ARMC1: variants seen among roughly 807,000 people sequenced by gnomAD.
The protein encoded by ARMC1 is armadillo repeat-containing protein 1.
ARMC1 carries 16 observed loss-of-function variants against 31.4 expected under a neutral mutation model. The ratio of observed to expected loss-of-function variants is 0.51; its 90% CI spans 0.34 to 0.77. ARMC1 has a LOEUF of 0.77. Ranked by LOEUF, ARMC1 falls within the 30% of genes least tolerant of loss-of-function variation. ARMC1 has a pLI of 0.01. For synonymous variants in ARMC1, 114 were observed against 118.9 expected (o/e 0.96, Z 0.27); for missense variants, 259 against 347.5 (o/e 0.75, Z 2.02).
At chr8:65,623,881 T>G (rs1808455440) in intron 2 of ARMC1, among the ~76,000 whole-genome samples, 1 of 120,894 alleles carries the variant, frequency 8.3e-6, no homozygotes, top group Non-Finnish European at 1.6e-5. Context: ...TACTGCAACC[T>G]CCACCCCCCG....
intron 3 of ARMC1, among the ~76,000 whole-genome samples, chr8:65,615,867 C>T (rs1808239611): frequency 6.6e-6 from 1 of 151,524 alleles, no homozygotes; most frequent in Non-Finnish European, 1.5e-5. Context: ...TGCACTCCAG[C>T]GTGGGCAACA....
In ARMC1 at chr8:65,613,410, T is replaced by C. The variant is rs1808186094; in HGVS notation, c.299A>G (p.Lys100Arg). The C allele has an allele frequency of 6.3e-7, 1 of 1,598,314 alleles. No homozygotes were observed. The change falls in exon 4 of 7, where the codon AAA becomes AGA. Residue 100 changes from lysine (K) to arginine (R), a missense_variant. Transcript: ENST00000276569. ...GTCATAGATTTCAGAGGCCAGAAGTTTTGTTTCTCCTGGAGTTGTAGTTCT... is the reference window on the plus strand; with the variant it reads ...GTCATAGATTTCAGAGGCCAGAAGTCTTGTTTCTCCTGGAGTTGTAGTTCT... ...IQKTTTPGETKLLASEIYDIL... is the reference protein window; with the variant it reads ...IQKTTTPGETRLLASEIYDIL...
intron 1 of ARMC1, among the ~76,000 whole-genome samples, chr8:65,631,906 T>C (rs1411296858): frequency 2.2e-5 from 3 of 136,358 alleles, no homozygotes; most frequent in Non-Finnish European, 3.1e-5. Context: ...AAAAAGTCTA[T>C]CTTCATAGGT....
intron 3 of ARMC1, among the ~76,000 whole-genome samples, chr8:65,614,574 T>C (rs1040327876): frequency 6.6e-6 from 1 of 152,218 alleles, no homozygotes; most frequent in African/African-American, 2.4e-5. Flanking sequence ...CACCTATCAA[T>C]GGGCTCAACT....
At chr8:65,609,882 G>GAAAAGAAAAAGAAA (rs1563412640) in intron 4 of ARMC1, among the ~76,000 whole-genome samples, 2 of 118,828 alleles carry the variant, frequency 1.7e-5, no homozygotes. Context: ...AAAAAGAAAA[G>GAAAAGAAAAAGAAA]AAAAAGAAAA....
At position 65,629,154 on chromosome 8, in the gene ARMC1, C is replaced by CAAA. The variant is rs761505047; in HGVS notation, c.-35-1724_-35-1722dup. On this transcript the variant is annotated intron_variant, in intron 1 of 6. Transcript: ENST00000276569. ...TGGATGACAGGGCGAGACTCCATCT[C>CAAA]AAAAAAAAAAAAAAAGAAAGAAAGA... Among the ~76,000 whole-genome samples, 45 of 77,108 alleles carry CAAA rather than the reference C, an allele frequency of 5.8e-4. No individual in the cohort carries two copies. In the South Asian group the frequency reaches 6.2e-3, roughly 11 times the overall value. 50.6% of individuals were successfully genotyped at this position (77,108 alleles called of 152,430 possible).
intron 3 of ARMC1, 105 bp downstream of exon 3, chr8:65,622,158 G>A: frequency 1.2e-6 from 1 of 825,672 alleles, no homozygotes; most frequent in South Asian, 1.6e-5. Context: ...GGAAAGCCAA[G>A]GTGGAAGGAT....
chr8:65,613,972 A>C (rs1808198138), intron 3 of ARMC1, among the ~76,000 whole-genome samples: 1 of 151,688 alleles, frequency 6.6e-6, no homozygotes, highest in Non-Finnish European at 1.5e-5. Flanking sequence ...AAAAAAAAAA[A>C]ACCACACGTT....
chr8:65,625,105 G>C (rs1275871482), intron 2 of ARMC1, among the ~76,000 whole-genome samples: 5 of 152,158 alleles, frequency 3.3e-5, no homozygotes, highest in Admixed American at 1.3e-4. Context: ...TGGGTGGCAA[G>C]AGCAAAAACT....
chr8:65,605,692 T>C (rs1415667115), intron 4 of ARMC1, among the ~76,000 whole-genome samples, 154 bp from the exon 5 acceptor site: 1 of 152,210 alleles, frequency 6.6e-6, no homozygotes, highest in Non-Finnish European at 1.5e-5. Context: ...GAGTGCTTAG[T>C]CAAATTTTTT....
At chr8:65,607,350 G>A (rs913167886) in intron 4 of ARMC1, among the ~76,000 whole-genome samples, 1 of 152,116 alleles carries the variant, frequency 6.6e-6, no homozygotes, top group Non-Finnish European at 1.5e-5. Context: ...ATATATATAA[G>A]TTAGGATACT....
chr8:65,617,177 G>C (rs561652409), intron 3 of ARMC1, among the ~76,000 whole-genome samples: 2 of 152,378 alleles, frequency 1.3e-5, no homozygotes, highest in Admixed American at 6.5e-5. Context: ...TTGTCGAATA[G>C]AAAAGGGGGA....
chr8:65,603,028 C>T lies in ARMC1; in HGVS notation c.*1366G>A, dbSNP rs190104708. On this transcript the variant is annotated 3_prime_UTR_variant, in exon 7 of 7. Coordinates refer to ENST00000276569, the MANE Select transcript of ARMC1 (RefSeq NM_018120.6). ...GGTCCAATTTTCACATCATATTCTC[C>T]AAATAGTAAAATAGCAGCTCTACAT... The T allele has an allele frequency of 1.2e-3, 190 of 152,090 alleles. 1 individual carries two copies. The highest frequency in any genetic ancestry group is 4.4e-3 in the African/African-American group (181 of 41,498). The allele number at this position is 152,090 out of a possible 1,614,324, so 9.4% of individuals were successfully genotyped here. A position where few individuals can be genotyped will look rare whatever the true frequency, so the allele number is the denominator to read the frequency against.
intron 3 of ARMC1, among the ~76,000 whole-genome samples, chr8:65,619,359 G>A (rs1808343917): frequency 6.6e-6 from 1 of 151,516 alleles, no homozygotes; most frequent in African/African-American, 2.4e-5. Flanking sequence ...CCAATATGGT[G>A]AGACTCCATC....
chr8:65,604,148 G>C lies in ARMC1; in HGVS notation c.*246C>G. On this transcript the variant is annotated 3_prime_UTR_variant, in exon 7 of 7. Transcript: ENST00000276569. Reference sequence around the variant, plus strand: ...GTGGACCCATGGTTTTTAAATATGAGGCAATTAAATGAAAGAAAACAAACC... The same window carrying C: ...GTGGACCCATGGTTTTTAAATATGACGCAATTAAATGAAAGAAAACAAACC... 1.1e-5 allele frequency: 4 copies of C among 369,000 alleles called. No homozygotes were observed. The highest frequency in any genetic ancestry group is 2.0e-5 in the Non-Finnish European group (4 of 203,228). 22.9% of individuals were successfully genotyped at this position (369,000 alleles called of 1,614,324 possible). A position where few individuals can be genotyped will look rare whatever the true frequency, so the allele number is the denominator to read the frequency against.
intron 4 of ARMC1, among the ~76,000 whole-genome samples, chr8:65,609,757 C>G (rs1031976053): frequency 1.3e-5 from 2 of 149,198 alleles, no homozygotes; most frequent in African/African-American, 4.9e-5. Context: ...ACAGGGGAGG[C>G]TGAGGCAGGA....
chr8:65,627,321 T>G lies in ARMC1; in HGVS notation c.78A>C (p.Ala26=). 1.2e-6 allele frequency: 2 copies of G among 1,613,596 alleles called. No individual in the cohort carries two copies. Among genetic ancestry groups the G allele is most frequent in the Middle Eastern group, 1.7e-4 (1 of 6,058 alleles). Residue 26 remains alanine (A), a synonymous_variant, in exon 2 of 7, where the codon GCA becomes GCC. Coordinates refer to ENST00000276569, the MANE Select transcript of ARMC1 (RefSeq NM_018120.6). The stretch of plus-strand genomic sequence containing the variant: ...CGATGGCTCTTCTGTTTAACGGATC[T>G]GCTGCTAGATCCCGTAACTGGTTAA... ...SVVNQLRDLA[A]DPLNRRAIVQ... is the part of the protein sequence containing the mutation.
intron 1 of ARMC1, among the ~76,000 whole-genome samples, chr8:65,629,842 G>A (rs117486340): frequency 0.042 from 6,268 of 149,130 alleles, 193 homozygotes; most frequent in Non-Finnish European, 0.063. Context: ...GTATATTCTC[G>A]GTCTTAAAAT....
At chr8:65,613,510 C>G in intron 3 of ARMC1, 77 bp from the exon 4 acceptor site, 1 of 1,053,862 alleles carries the variant, frequency 9.5e-7, no homozygotes, top group Non-Finnish European at 1.3e-6. Context: ...CTAAAAGGAG[C>G]CTTGTTTCTT....
Sources: allele counts gnomAD v4.1 joint callset (sites outside exome capture counted in the v4.1 genomes callset), GRCh38; gene constraint gnomAD v4.1.1; transcripts MANE v1.5; gene names NCBI Gene and HGNC (gene_info 2026-07-23, HGNC 2026-07-21).